CARM1: variants seen among roughly 807,000 people sequenced by gnomAD.
The protein encoded by CARM1 is coactivator associated arginine methyltransferase 1.
Under a neutral mutation model 72.7 loss-of-function variants are expected in CARM1, and 14 were observed. The observed-to-expected ratio is 0.19, with a 90% CI of 0.13 to 0.30. The LOEUF (loss-of-function observed/expected upper bound fraction) is 0.30, where lower values mean the gene tolerates loss of function less well. Ranked by LOEUF, CARM1 falls within the 10% of genes least tolerant of loss-of-function variation. The probability of loss-of-function intolerance (pLI) is 1.00; values close to 1 mark genes in which losing one functional copy is unlikely to be tolerated. For synonymous variants in CARM1, 333 were observed against 345.5 expected (o/e 0.96, Z 0.40); for missense variants, 432 against 833.7 (o/e 0.52, Z 5.93).
chr19:10,913,688 C>T (rs554683592), intron 5 of CARM1, among the ~76,000 whole-genome samples, 189 bp from the exon 6 acceptor site: 14 of 152,288 alleles, frequency 9.2e-5, no homozygotes, highest in Admixed American at 2.6e-4. Context: ...CATGAGGCAC[C>T]GTGCCCGGCC....
At chr19:10,901,541 C>A (rs2074065812) in intron 1 of CARM1, among the ~76,000 whole-genome samples, 1 of 150,358 alleles carries the variant, frequency 6.7e-6, no homozygotes, top group Non-Finnish European at 1.5e-5. Flanking sequence ...CCCAGGCTGA[C>A]CTTGAACTCC....
intron 1 of CARM1, among the ~76,000 whole-genome samples, chr19:10,886,420 T>A (rs2146310919): frequency 6.6e-6 from 1 of 152,240 alleles, no homozygotes; most frequent in Middle Eastern, 3.4e-3. Context: ...GCTCTCCAAC[T>A]CCTGGGCTCA....
intron 1 of CARM1, among the ~76,000 whole-genome samples, chr19:10,876,509 G>C (rs189356413): frequency 6.6e-6 from 1 of 152,314 alleles, no homozygotes; most frequent in Admixed American, 6.5e-5. Flanking sequence ...AGAGGCACGT[G>C]GGGAGGACTT....
In CARM1 at chr19:10,916,288, C is replaced by A; in HGVS notation, c.848-119C>A. On this transcript the variant is annotated intron_variant, in intron 6 of 15. Coordinates refer to ENST00000327064, the MANE Select transcript of CARM1 (RefSeq NM_199141.2). This position sits in a 1 kb window ranked among gnomAD's most constrained non-coding sequence, Gnocchi z 4.4. ...TGCCACTGTCACAGGAGTGCAGGAA[C>A]GAATGGATGACAGGCTGGGAGCACC... The A allele has an allele frequency of 3.0e-6, 2 of 676,942 alleles. No individual in the cohort carries two copies. The highest frequency in any genetic ancestry group is 5.2e-5 in the East Asian group (2 of 38,394). The allele number at this position is 676,942 out of a possible 1,614,324, so 41.9% of individuals were successfully genotyped here.
At chr19:10,904,901 AG>A (rs751069440) in intron 1 of CARM1, 49 bp from the exon 2 acceptor site, 1 of 1,593,190 alleles carries the variant, frequency 6.3e-7, no homozygotes, top group Admixed American at 1.7e-5. Context: ...GCTCAAAAGA[AG>A]GCAGCTGACA....
intron 1 of CARM1, among the ~76,000 whole-genome samples, chr19:10,878,453 G>GCCAATTACTT (rs2073879008): frequency 2.6e-5 from 4 of 152,116 alleles, no homozygotes; most frequent in Non-Finnish European, 5.9e-5. Context: ...TGCCAATTGT[G>GCCAATTACTT]GCGCTTACTG....
chr19:10,881,025 G>T (rs1599684414), intron 1 of CARM1, among the ~76,000 whole-genome samples: 1 of 152,216 alleles, frequency 6.6e-6, no homozygotes, highest in East Asian at 1.9e-4. Context: ...AAATTAGCCG[G>T]CATGGTGGCA....
chr19:10,874,072 G>A (rs569948645), intron 1 of CARM1, among the ~76,000 whole-genome samples: 12 of 152,290 alleles, frequency 7.9e-5, no homozygotes, highest in African/African-American at 2.2e-4. Context: ...AGTATTACTT[G>A]TTATTAAGAC....
At chr19:10,876,813 G>A (rs1223974734) in intron 1 of CARM1, among the ~76,000 whole-genome samples, 1 of 152,236 alleles carries the variant, frequency 6.6e-6, no homozygotes, top group East Asian at 1.9e-4. Flanking sequence ...AGGGAGGGGT[G>A]CCGGGAAAGA....
intron 8 of CARM1, among the ~76,000 whole-genome samples, chr19:10,918,104 G>A (rs1196549211): frequency 1.3e-5 from 2 of 152,178 alleles, no homozygotes; most frequent in African/African-American, 4.8e-5. Context: ...ATTATGATGA[G>A]GGTGCCTTGG....
At position 10,922,203 on chromosome 19, in the gene CARM1, AATTTT is replaced by A. The variant is rs2074264672; in HGVS notation, c.*452_*456del. On this transcript the variant is annotated 3_prime_UTR_variant, in exon 16 of 16. Coordinates refer to ENST00000327064, the MANE Select transcript of CARM1 (RefSeq NM_199141.2). The stretch of plus-strand genomic sequence containing the variant: ...ACGGACGTGACATGCTGCTTTTTTT[AATTTT>A]ATTTTTTTATGAAAAGAACCAGTGT... 1 of 153,972 alleles carries A rather than the reference AATTTT, an allele frequency of 6.5e-6. No homozygotes were observed. Among genetic ancestry groups the A allele is most frequent in the African/African-American group, 2.4e-5 (1 of 41,390 alleles). 9.5% of individuals were successfully genotyped at this position (153,972 alleles called of 1,614,324 possible). A position where few individuals can be genotyped will look rare whatever the true frequency, so the allele number is the denominator to read the frequency against.
intron 1 of CARM1, among the ~76,000 whole-genome samples, chr19:10,903,531 A>C (rs777197900): frequency 3.3e-5 from 5 of 152,082 alleles, no homozygotes; most frequent in African/African-American, 1.2e-4. Flanking sequence ...AAATTATGGA[A>C]TATGTAGTCC....
intron 1 of CARM1, among the ~76,000 whole-genome samples, chr19:10,880,569 A>T (rs1266493352): frequency 7.9e-6 from 1 of 126,532 alleles, no homozygotes; most frequent in Non-Finnish European, 1.6e-5. Context: ...GCTCAGGCGG[A>T]TGTGGAACTC....
chr19:10,905,715 G>A (rs1368488355), intron 2 of CARM1, among the ~76,000 whole-genome samples: 1 of 151,962 alleles, frequency 6.6e-6, no homozygotes, highest in Non-Finnish European at 1.5e-5. Flanking sequence ...AGCCACTGCC[G>A]GCCTCCCCCT....
intron 1 of CARM1, among the ~76,000 whole-genome samples, chr19:10,882,534 C>CTTTTTTTTTTTTTTT (rs869046901): frequency 1.2e-5 from 1 of 85,942 alleles, no homozygotes; most frequent in Non-Finnish European, 2.2e-5. Flanking sequence ...TGCACTCTGT[C>CTTTTTTTTTTTTTTT]TTTTTTTTTT....
chr19:10,906,749 G>A (rs1283753185), intron 2 of CARM1, among the ~76,000 whole-genome samples: 2 of 151,996 alleles, frequency 1.3e-5, no homozygotes, highest in East Asian at 3.9e-4. Context: ...ACATGCGTGA[G>A]CAACCATGCC....
Position 10,920,640 on chromosome 19 carries a change from G to A in CARM1, c.1335-19G>A, listed in dbSNP as rs1252283089. ...CATCTGCCCAGCAGCTCATGCCACG[G>A]CCTGCACCCTGTCCGCAGACAGAGC... is the stretch of plus-strand genomic sequence containing the variant. On this transcript the variant is annotated intron_variant, in intron 11 of 15. Coordinates refer to ENST00000327064, the MANE Select transcript of CARM1 (RefSeq NM_199141.2). The surrounding 1 kb of genome is among the most constrained non-coding windows in gnomAD (Gnocchi z 5.3). The A allele has an allele frequency of 5.6e-6, 9 of 1,613,994 alleles. No homozygotes were observed. The East Asian group carries it at 2.0e-4, about 36-fold the overall frequency.
At position 10,907,547 on chromosome 19, in the gene CARM1, A is replaced by G. The variant is rs556118106; in HGVS notation, c.347-492A>G. On this transcript the variant is annotated intron_variant, in intron 2 of 15. Coordinates refer to ENST00000327064, the MANE Select transcript of CARM1 (RefSeq NM_199141.2). ...CTCAGCCTCCCACCTCAGCCTCCCA[A>G]AGTGCTGGGATTACAGGCATGAGCC... Among the ~76,000 whole-genome samples the G allele has an allele frequency of 1.1e-4, 17 of 152,254 alleles. No homozygotes were observed. The South Asian group carries it at 3.5e-3, about 32-fold the overall frequency.
At chr19:10,899,691 C>G (rs1390656898) in intron 1 of CARM1, among the ~76,000 whole-genome samples, 2 of 151,544 alleles carry the variant, frequency 1.3e-5, no homozygotes, top group Non-Finnish European at 2.9e-5. Context: ...TACCTGGACT[C>G]GTCAGTTAGG....
Sources: allele counts gnomAD v4.1 joint callset (sites outside exome capture counted in the v4.1 genomes callset), GRCh38; gene constraint gnomAD v4.1.1; non-coding constraint Gnocchi (gnomAD v3.1); transcripts MANE v1.5; gene names NCBI Gene and HGNC (gene_info 2026-07-23, HGNC 2026-07-21).